PTPRD: variants seen among roughly 807,000 people sequenced by gnomAD.
The protein encoded by PTPRD is protein tyrosine phosphatase receptor type D.
In PTPRD, 34 loss-of-function variants were observed where a neutral mutation model predicts 214.5. The observed-to-expected ratio is 0.16, with a 90% CI of 0.12 to 0.21. The LOEUF (loss-of-function observed/expected upper bound fraction) is 0.21. Ranked by LOEUF, PTPRD falls within the 10% of genes least tolerant of loss-of-function variation. The probability of loss-of-function intolerance (pLI) is 1.00; values close to 1 mark genes in which losing one functional copy is unlikely to be tolerated. For missense variants in PTPRD, 2,545 were observed against 2,398.7 expected, an observed-to-expected ratio of 1.06 and a Z score of -1.27; for synonymous variants, 1,128 against 845.7, an observed-to-expected ratio of 1.33 and a Z score of -5.79.
chr9:10,057,882 G>C (rs558864375), intron 3 of PTPRD, among the ~76,000 whole-genome samples: 1 of 151,850 alleles, frequency 6.6e-6, no homozygotes, highest in Non-Finnish European at 1.5e-5. Flanking sequence ...GTGAGTAGTG[G>C]AATAATTCAG....
intron 11 of PTPRD, among the ~76,000 whole-genome samples, chr9:8,872,407 T>C (rs1172110914): frequency 2.0e-5 from 3 of 152,338 alleles, no homozygotes; most frequent in South Asian, 2.1e-4. Context: ...TCTCACATGA[T>C]TGAGTATTTT....
intron 7 of PTPRD, among the ~76,000 whole-genome samples, chr9:9,581,475 TATC>T (rs1243979948): frequency 1.3e-5 from 2 of 152,118 alleles, no homozygotes; most frequent in Non-Finnish European, 2.9e-5. Flanking sequence ...CTGTGAAGCT[TATC>T]ATCTCAGAAA....
At chr9:9,776,611 G>A (rs983515676) in intron 5 of PTPRD, among the ~76,000 whole-genome samples, 3 of 151,922 alleles carry the variant, frequency 2.0e-5, no homozygotes, top group African/African-American at 7.3e-5. Context: ...TCCAAAATAC[G>A]ATCTACTCCC....
intron 11 of PTPRD, among the ~76,000 whole-genome samples, chr9:8,737,044 T>C (rs1172626744): frequency 6.6e-6 from 1 of 152,204 alleles, no homozygotes; most frequent in Non-Finnish European, 1.5e-5. Flanking sequence ...AACTGCTACA[T>C]AATGACTCCG....
intron 41 of PTPRD, 125 bp downstream of exon 41, chr9:8,340,965 G>A: frequency 2.1e-6 from 2 of 937,104 alleles, no homozygotes; most frequent in Non-Finnish European, 3.1e-6. Context: ...AATACCAAGG[G>A]ACTAAATGAT....
chr9:10,338,349 G>A (rs1352612415), intron 3 of PTPRD, among the ~76,000 whole-genome samples: 5 of 151,640 alleles, frequency 3.3e-5, no homozygotes, highest in East Asian at 2.0e-4. Flanking sequence ...TTTAATGCTC[G>A]ATTTCTATCC....
In PTPRD at chr9:8,517,702, C is replaced by G. The variant is rs1428363679; in HGVS notation, c.1543+146G>C. The G allele has an allele frequency of 1.9e-5, 13 of 674,942 alleles. No individual in the cohort carries two copies. In the Admixed American group the frequency reaches 3.2e-4, roughly 17 times the overall value. 41.8% of individuals were successfully genotyped at this position (674,942 alleles called of 1,614,324 possible). A position where few individuals can be genotyped will look rare whatever the true frequency, so the allele number is the denominator to read the frequency against. ...TCAGATGTCCATGCTTGTTCCTTTT[C>G]AGATATCTATCATCTGTTGCTTTGA... On this transcript the variant is annotated intron_variant, in intron 21 of 45. Coordinates refer to ENST00000381196, the MANE Select transcript of PTPRD (RefSeq NM_002839.4).
chr9:8,329,172 TACCTTTG>T (rs892998337), intron 44 of PTPRD, among the ~76,000 whole-genome samples: 8 of 152,128 alleles, frequency 5.3e-5, no homozygotes, highest in Non-Finnish European at 7.4e-5. Context: ...TGGATTTATC[TACCTTTG>T]ACCTTTGATG....
chr9:10,211,099 G>A (rs1026885587), intron 3 of PTPRD, among the ~76,000 whole-genome samples: 2 of 151,816 alleles, frequency 1.3e-5, no homozygotes, highest in Non-Finnish European at 2.9e-5. Context: ...TTGGGAAAAA[G>A]GGGGAGATTG....
intron 3 of PTPRD, among the ~76,000 whole-genome samples, chr9:10,075,078 T>G (rs78908852): frequency 2.5e-3 from 388 of 152,204 alleles, no homozygotes; most frequent in Non-Finnish European, 4.1e-3. Context: ...AAGTTATTGA[T>G]GCAAATATTG....
chr9:10,145,403 A>C (rs1358351093), intron 3 of PTPRD, among the ~76,000 whole-genome samples: 1 of 152,126 alleles, frequency 6.6e-6, no homozygotes, highest in East Asian at 1.9e-4. Context: ...AACAATGTGA[A>C]GACAAAGAGA....
intron 9 of PTPRD, among the ~76,000 whole-genome samples, chr9:9,192,924 T>C (rs2099936135): frequency 6.6e-6 from 1 of 152,014 alleles, no homozygotes; most frequent in Non-Finnish European, 1.5e-5. Flanking sequence ...GCTGATAAGG[T>C]CCCCTCCCCT....
chr9:10,116,206 T>A (rs1460898015), intron 3 of PTPRD, among the ~76,000 whole-genome samples: 1 of 152,122 alleles, frequency 6.6e-6, no homozygotes, highest in African/African-American at 2.4e-5. Context: ...CACATCATCA[T>A]AAAGACTCCT....
chr9:8,459,559 A>C (rs1489518877), intron 33 of PTPRD, among the ~76,000 whole-genome samples: 1 of 152,088 alleles, frequency 6.6e-6, no homozygotes, highest in Admixed American at 6.6e-5. Flanking sequence ...GAAAGAATTT[A>C]TAAGAACAAT....
chr9:8,330,420 A>C (rs1182290701), intron 44 of PTPRD, among the ~76,000 whole-genome samples: 2 of 152,176 alleles, frequency 1.3e-5, no homozygotes, highest in Admixed American at 6.5e-5. Flanking sequence ...GCACTGGGAA[A>C]CCAAAAAGTA....
chr9:8,713,157 TCTC>T (rs1323476404), intron 12 of PTPRD, among the ~76,000 whole-genome samples: 8 of 152,240 alleles, frequency 5.3e-5, no homozygotes, highest in African/African-American at 1.7e-4. Context: ...AAACACAACT[TCTC>T]CTGCATAACT....
At chr9:8,659,428 T>G (rs1460618950) in intron 12 of PTPRD, among the ~76,000 whole-genome samples, 1 of 152,220 alleles carries the variant, frequency 6.6e-6, no homozygotes, top group Admixed American at 6.5e-5. Flanking sequence ...TCCAACCTGT[T>G]GTTATCACCA....
chr9:10,374,484 G>A (rs1024742565), intron 2 of PTPRD, among the ~76,000 whole-genome samples: 1 of 151,898 alleles, frequency 6.6e-6, no homozygotes, highest in Non-Finnish European at 1.5e-5. Flanking sequence ...TTTTCCACCC[G>A]CCAGAACTTG....
chr9:8,348,726 T>C (rs1458565196), intron 39 of PTPRD, among the ~76,000 whole-genome samples: 1 of 152,190 alleles, frequency 6.6e-6, no homozygotes, highest in Non-Finnish European at 1.5e-5. Flanking sequence ...ACATGTTTTA[T>C]GCTTTCCCAC....
Sources: allele counts gnomAD v4.1 joint callset (sites outside exome capture counted in the v4.1 genomes callset), GRCh38; gene constraint gnomAD v4.1.1; transcripts MANE v1.5; gene names NCBI Gene and HGNC (gene_info 2026-07-23, HGNC 2026-07-21).